Variants in TCF20 observed in about 807,000 individuals in gnomAD.
TCF20 encodes the protein SPRE-binding protein.
A neutral mutation model predicts 148.6 loss-of-function variants in TCF20; 3 were observed. That is an observed-to-expected ratio of 0.02 (90% CI 0.01 to 0.05). The LOEUF (loss-of-function observed/expected upper bound fraction) is 0.05. Among genes scored for constraint, TCF20 ranks in the 10% least tolerant of loss-of-function variants. The pLI, the probability that TCF20 is intolerant of heterozygous loss-of-function variation, is 1.00. For missense variants in TCF20, 2,350 were observed against 2,429.3 expected, an observed-to-expected ratio of 0.97 and a Z score of 0.69; for synonymous variants, 1,049 against 909.5, an observed-to-expected ratio of 1.15 and a Z score of -2.76.
exon 1 of TCF20, among the ~76,000 whole-genome samples, chr22:42,283,863 A>G (rs936471686): frequency 6.6e-6 from 1 of 151,888 alleles, no homozygotes; most frequent in Non-Finnish European, 1.5e-5. Flanking sequence ...CTTGCCCCAG[A>G]CCCCTTGCCA....
intron 1 of TCF20, among the ~76,000 whole-genome samples, chr22:42,306,137 C>A (rs1927428594): frequency 6.6e-6 from 1 of 152,272 alleles, no homozygotes; most frequent in South Asian, 2.1e-4. Context: ...CCACCCCCGC[C>A]TCAAGCTGAG....
rs186566386 is a variant in TCF20, at chr22:42,291,875, G to A, written c.-37+51604C>T. Reference sequence around the variant, plus strand: ...AAGCAAGCAGAAGGGCTAGCGTGAGGGGGTGGGGCCCTACCCAATTCCTTT... The same window carrying A: ...AAGCAAGCAGAAGGGCTAGCGTGAGAGGGTGGGGCCCTACCCAATTCCTTT... On this transcript the variant is annotated intron_variant, in intron 1 of 1. Coordinates refer to the TCF20 transcript ENST00000515426. Among the ~76,000 whole-genome samples, 541 of 152,124 alleles carry A rather than the reference G, an allele frequency of 3.6e-3. 6 individuals carry two copies. The highest frequency in any genetic ancestry group is 0.013 in the African/African-American group (524 of 41,498).
intron 2 of TCF20, among the ~76,000 whole-genome samples, chr22:42,183,031 T>G (rs561212273): frequency 1.2e-4 from 19 of 152,326 alleles, no homozygotes; most frequent in African/African-American, 4.3e-4. Context: ...GCCACTGTGC[T>G]TGGCAGAAAT....
intron 3 of TCF20, among the ~76,000 whole-genome samples, chr22:42,176,869 T>C (rs539223439): frequency 6.6e-6 from 1 of 152,188 alleles, no homozygotes; most frequent in Admixed American, 6.5e-5. Flanking sequence ...AAGAGATAAG[T>C]AGAGATTTGT....
intron 1 of TCF20, among the ~76,000 whole-genome samples, chr22:42,244,417 T>C (rs755266069): frequency 3.3e-5 from 5 of 152,152 alleles, no homozygotes; most frequent in Admixed American, 6.5e-5. Context: ...GATGAACAGA[T>C]TGTGGTATAT....
rs1268675824 is a variant in TCF20, at chr22:42,306,909, C to T, written c.-37+36570G>A. 3.9e-5 allele frequency among the ~76,000 whole-genome samples: 6 copies of T among 152,042 alleles called. 1 individual carries two copies. The highest frequency in any genetic ancestry group is 6.8e-3 in the Middle Eastern group (2 of 294). On this transcript the variant is annotated intron_variant, in intron 1 of 1. Transcript: ENST00000515426. ...CAAAAATTAGCCAGGCATGGTGGCACGCTCCTGTAATCCCAGCTACTCGGG... is the reference window on the plus strand; with the variant it reads ...CAAAAATTAGCCAGGCATGGTGGCATGCTCCTGTAATCCCAGCTACTCGGG...
chr22:42,231,644 T>G (rs1923410203), intron 1 of TCF20, among the ~76,000 whole-genome samples: 1 of 152,146 alleles, frequency 6.6e-6, no homozygotes. Flanking sequence ...GTTACAGTAA[T>G]CTGGCCAGGG....
chr22:42,236,441 G>T (rs770958335), intron 1 of TCF20, among the ~76,000 whole-genome samples: 68 of 152,048 alleles, frequency 4.5e-4, no homozygotes, highest in African/African-American at 1.5e-3. Context: ...GAATGCCGAC[G>T]GAGCGCATTC....
intron 1 of TCF20, among the ~76,000 whole-genome samples, chr22:42,269,451 C>A (rs1283476757): frequency 6.6e-6 from 1 of 152,176 alleles, no homozygotes; most frequent in Non-Finnish European, 1.5e-5. Flanking sequence ...GGAAGACGGC[C>A]GCTCCTCGGC....
chr22:42,163,810 A>G (rs189761740), intron 5 of TCF20, among the ~76,000 whole-genome samples: 2 of 152,288 alleles, frequency 1.3e-5, no homozygotes, highest in East Asian at 1.9e-4. Flanking sequence ...CTTTTAAAGA[A>G]CATCACCTTG....
chr22:42,175,142 C>T (rs1178486987), intron 3 of TCF20, among the ~76,000 whole-genome samples: 6 of 152,110 alleles, frequency 3.9e-5, no homozygotes, highest in East Asian at 3.9e-4. Context: ...CACAATATTA[C>T]GATGTAACTA....
rs115445174 is a variant in TCF20, at chr22:42,290,923, G to A, written c.-37+52556C>T. On this transcript the variant is annotated intron_variant, in intron 1 of 1. Coordinates refer to the TCF20 transcript ENST00000515426. The surrounding 1 kb of genome is among the most constrained non-coding windows in gnomAD (Gnocchi z 4.2). ...AAAGCACCCCCTCTTACCTTACCTC[G>A]GTACAACCTCAGTACAACCATGAGA... 0.018 allele frequency among the ~76,000 whole-genome samples: 2,776 copies of A among 152,208 alleles called. 96 individuals are homozygous for A. Among genetic ancestry groups the A allele is most frequent in the African/African-American group, 0.063 (2,623 of 41,492 alleles).
intron 1 of TCF20, among the ~76,000 whole-genome samples, chr22:42,313,667 T>C (rs896078154): frequency 6.7e-6 from 1 of 150,258 alleles, no homozygotes; most frequent in African/African-American, 2.5e-5. Flanking sequence ...GGGCACGATC[T>C]TGGCTCACTG....
intron 1 of TCF20, among the ~76,000 whole-genome samples, chr22:42,252,623 G>T (rs964715212): frequency 6.6e-6 from 1 of 152,036 alleles, no homozygotes; most frequent in Non-Finnish European, 1.5e-5. Context: ...GCTAATTTTT[G>T]TATTTTTAGT....
chr22:42,199,703 CTA>C (rs1255057369), intron 2 of TCF20, among the ~76,000 whole-genome samples: 3 of 39,858 alleles, frequency 7.5e-5, no homozygotes, highest in African/African-American at 2.9e-4. Context: ...AACCCCATCT[CTA>C]CAAAAAAAAA....
At chr22:42,298,724 A>G (rs761653167) in intron 1 of TCF20, among the ~76,000 whole-genome samples, 6 of 152,204 alleles carry the variant, frequency 3.9e-5, no homozygotes, top group Non-Finnish European at 8.8e-5. Context: ...AATTTCATCT[A>G]TCTCTGCACT....
At chr22:42,224,643 A>G (rs952862982) in intron 1 of TCF20, among the ~76,000 whole-genome samples, 3 of 151,878 alleles carry the variant, frequency 2.0e-5, no homozygotes. Flanking sequence ...ATACCAACAT[A>G]TTCACTCCAG....
At position 42,219,931 on chromosome 22, in the gene TCF20, T is replaced by C. The variant is rs888502631; in HGVS notation, c.-36-4590A>G. 1.5e-4 allele frequency among the ~76,000 whole-genome samples: 23 copies of C among 152,148 alleles called. 1 individual carries two copies. The highest frequency in any genetic ancestry group is 1.4e-3 in the Admixed American group (21 of 15,274). The stretch of plus-strand genomic sequence containing the variant: ...CTCTCCCTTTCCTGTTTTTCTCCTA[T>C]ATTCCTAACTTTCTGAACAGTTTCA... On this transcript the variant is annotated intron_variant, in intron 1 of 5. Transcript: ENST00000677622.
chr22:42,241,599 G>A (rs975397223), intron 1 of TCF20, among the ~76,000 whole-genome samples: 1 of 152,194 alleles, frequency 6.6e-6, no homozygotes, highest in Non-Finnish European at 1.5e-5. Flanking sequence ...GGCTGGGGCA[G>A]GTGGCTCACT....
Sources: allele counts gnomAD v4.1 joint callset (sites outside exome capture counted in the v4.1 genomes callset), GRCh38; gene constraint gnomAD v4.1.1; non-coding constraint Gnocchi (gnomAD v3.1); transcripts MANE v1.5; gene names NCBI Gene and HGNC (gene_info 2026-07-23, HGNC 2026-07-21).